The following CARD6 variants were observed in gnomAD, a reference collection of about 807,000 sequenced individuals.
The protein encoded by CARD6 is caspase recruitment domain family member 6, also known as caspase recruitment domain-containing protein 6.
In CARD6, 27 loss-of-function variants were observed where a neutral mutation model predicts 23.6. The observed-to-expected ratio is 1.14, with a 90% CI of 0.84 to 1.58. The LOEUF is 1.58. Among genes scored for constraint, CARD6 ranks in the 40% most tolerant of loss-of-function variants. The probability of loss-of-function intolerance (pLI) is 0.00; values close to 1 mark genes in which losing one functional copy is unlikely to be tolerated. For synonymous variants in CARD6, 397 were observed against 431.8 expected (o/e 0.92, Z 1.00); for missense variants, 1,214 against 1,209.9 (o/e 1.00, Z -0.05).
chr5:40,854,762 G>A lies in CARD6; in HGVS notation c.*316G>A, dbSNP rs1043761186. ...TGCACCACCACACCCAGCTAATTTTGTATTTTTAGTAGAGGCAGGGTTTCT... is the reference window on the plus strand; with the variant it reads ...TGCACCACCACACCCAGCTAATTTTATATTTTTAGTAGAGGCAGGGTTTCT... On this transcript the variant is annotated 3_prime_UTR_variant, in exon 3 of 3. Coordinates refer to ENST00000254691, the MANE Select transcript of CARD6 (RefSeq NM_032587.4). 11 of 249,462 alleles carry A rather than the reference G, an allele frequency of 4.4e-5. No homozygotes were observed. The highest frequency in any genetic ancestry group is 7.8e-5 in the Non-Finnish European group (10 of 127,722). The allele number at this position is 249,462 out of a possible 1,614,324, so 15.5% of individuals were successfully genotyped here.
chr5:40,843,759 T>TA (rs1745920023), intron 2 of CARD6, 50 bp downstream of exon 2: 1 of 1,287,012 alleles, frequency 7.8e-7, no homozygotes, highest in Admixed American at 2.7e-5. Flanking sequence ...AATAAGTTAA[T>TA]AAGCTTGCCA....
intron 2 of CARD6, among the ~76,000 whole-genome samples, chr5:40,848,999 G>T (rs1746012519): frequency 6.6e-6 from 1 of 151,816 alleles, no homozygotes; most frequent in Admixed American, 6.6e-5. Context: ...GGATCCTGTG[G>T]GTATTGATGT....
chr5:40,852,365 C>G lies in CARD6; in HGVS notation c.1033C>G (p.Leu345Val). 6.2e-7 allele frequency: 1 copy of G among 1,614,078 alleles called. No individual in the cohort carries two copies. The highest frequency in any genetic ancestry group is 1.1e-5 in the South Asian group (1 of 91,072). ...ARDVTARDSI[L>V]SHKVLDEDSK... Reference sequence around the variant, plus strand: ...AGATGTGACGGCTAGGGATTCAATCCTCAGTCACAAGGTTCTGGATGAAGA... The same window carrying G: ...AGATGTGACGGCTAGGGATTCAATCGTCAGTCACAAGGTTCTGGATGAAGA... The change falls in exon 3 of 3, where the codon CTC (leucine) becomes GTC (valine). Residue 345 changes from leucine to valine, a missense_variant. Physicochemically the swap from Leu to Val is conservative, Grantham distance 32. Coordinates refer to ENST00000254691, the MANE Select transcript of CARD6 (RefSeq NM_032587.4).
In CARD6 at chr5:40,852,381, T is replaced by C. The variant is rs1365942621; in HGVS notation, c.1049T>C (p.Leu350Pro). 11 of 1,614,110 alleles carry C rather than the reference T, an allele frequency of 6.8e-6. No homozygotes were observed. Among genetic ancestry groups the C allele is most frequent in the Non-Finnish European group, 9.3e-6 (11 of 1,180,008 alleles). Residue 350 changes from leucine (L) to proline (P), a missense_variant, in exon 3 of 3, where the codon CTG (leucine) becomes CCG (proline). Physicochemically the swap from Leu to Pro is moderately conservative, Grantham distance 98. Transcript: ENST00000254691. ...GATTCAATCCTCAGTCACAAGGTTC[T>C]GGATGAAGATAGCAAGGAGGATTTG... ...ARDSILSHKV[L>P]DEDSKEDLLA...
rs1746171068 is a variant in CARD6, at chr5:40,855,226, T to C, written c.*780T>C. 6.6e-6 allele frequency: 1 copy of C among 152,362 alleles called. No homozygotes were observed. Among genetic ancestry groups the C allele is most frequent in the Admixed American group, 6.5e-5 (1 of 15,278 alleles). 9.4% of individuals were successfully genotyped at this position (152,362 alleles called of 1,614,324 possible). ...CCACTGAGCAGATAACCCTGCTTAT[T>C]TGGTGTGGTTAAATCAACTAGCTTC... On this transcript the variant is annotated 3_prime_UTR_variant, in exon 3 of 3. Coordinates refer to ENST00000254691, the MANE Select transcript of CARD6 (RefSeq NM_032587.4).
chr5:40,855,330 A>G lies in CARD6; in HGVS notation c.*884A>G, dbSNP rs769649409. 1.3e-5 allele frequency: 2 copies of G among 152,368 alleles called. No individual in the cohort carries two copies. The highest frequency in any genetic ancestry group is 2.9e-5 in the Non-Finnish European group (2 of 68,032). The allele number at this position is 152,368 out of a possible 1,614,324, so 9.4% of individuals were successfully genotyped here. On this transcript the variant is annotated 3_prime_UTR_variant, in exon 3 of 3. Coordinates refer to ENST00000254691, the MANE Select transcript of CARD6 (RefSeq NM_032587.4). ...AGGTAGAAATAATGAATTAACAACC[A>G]ATAAAATTAATCATTTGGCATTAAC...
rs779404204 is a variant in CARD6 at position 40,854,155 on chromosome 5, G to T, written c.2823G>T (p.Gln941His). Residue 941 changes from glutamine (Q) to histidine (H), a missense_variant, in exon 3 of 3, where the codon CAG (glutamine) becomes CAT (histidine). Physicochemically the swap from Gln to His is conservative, Grantham distance 24 (BLOSUM62 0). Transcript: ENST00000254691. Reference sequence around the variant, plus strand: ...CCCATCCCATGTGCAAGAGCTCTCAGTTCAAATCCGATCAGTCCAACCCAT... The same window carrying T: ...CCCATCCCATGTGCAAGAGCTCTCATTTCAAATCCGATCAGTCCAACCCAT... ...IGSHPMCKSS[Q>H]FKSDQSNPST... 2 of 1,614,184 alleles carry T rather than the reference G, an allele frequency of 1.2e-6. No homozygotes were observed. The highest frequency in any genetic ancestry group is 3.3e-5 in the Admixed American group (2 of 60,020).
intron 2 of CARD6, among the ~76,000 whole-genome samples, chr5:40,849,728 C>A (rs1746024710): frequency 6.6e-6 from 1 of 152,142 alleles, no homozygotes; most frequent in African/African-American, 2.4e-5. Context: ...ACAATCCCAA[C>A]ACTTTGGGAG....
In CARD6 at chr5:40,852,628, AAC is replaced by A. The variant is rs774977188; in HGVS notation, c.1300_1301del (p.Gln434ValfsTer30). The A allele has an allele frequency of 6.2e-7, 1 of 1,614,208 alleles. No homozygotes were observed. Among genetic ancestry groups the A allele is most frequent in the South Asian group, 1.1e-5 (1 of 91,084 alleles). Reference sequence around the variant, plus strand: ...TGAAAGACATTGTGAAGAAGCAGTCAACACAGTTTTCAGGGGGGCCTACAGAG... The same window carrying A: ...TGAAAGACATTGTGAAGAAGCAGTCAACAGTTTTCAGGGGGGCCTACAGAG... ...AMKDIVKKQS[T>X]QFSGGPTEDT... On this transcript the variant is annotated frameshift_variant, in exon 3 of 3. Coordinates refer to ENST00000254691, the MANE Select transcript of CARD6 (RefSeq NM_032587.4). LOFTEE classifies it low-confidence loss of function (END_TRUNC).
At position 40,843,343 on chromosome 5, in the gene CARD6, G is replaced by A. The variant is rs1219414071; in HGVS notation, c.475G>A (p.Ala159Thr). Reference sequence around the variant, plus strand: ...CAAGAAAACTAGTTATAGGGAAACAGCTTTGTCTGCCAGGAAGAATGAGAA... The same window carrying A: ...CAAGAAAACTAGTTATAGGGAAACAACTTTGTCTGCCAGGAAGAATGAGAA... ...RDKKTSYRET[A>T]LSARKNEKEY... is the part of the protein sequence containing the mutation. Residue 159 changes from alanine (A) to threonine (T), a missense_variant, in exon 2 of 3, where the codon GCT becomes ACT. By Grantham distance (58) the Ala-to-Thr change is moderately conservative. Coordinates refer to ENST00000254691, the MANE Select transcript of CARD6 (RefSeq NM_032587.4). 4 of 1,614,152 alleles carry A rather than the reference G, an allele frequency of 2.5e-6. No homozygotes were observed. The African/African-American group carries it at 4.0e-5, about 16-fold the overall frequency.
chr5:40,850,575 A>C (rs1382511128), intron 2 of CARD6, among the ~76,000 whole-genome samples: 9 of 149,144 alleles, frequency 6.0e-5, no homozygotes, highest in Non-Finnish European at 1.5e-5. Flanking sequence ...AAAAAAAATT[A>C]GCTGGGTGTG....
chr5:40,842,798 G>A (rs1745885082), intron 1 of CARD6, among the ~76,000 whole-genome samples: 3 of 152,228 alleles, frequency 2.0e-5, no homozygotes, highest in Admixed American at 6.5e-5. Context: ...AGCACTTTGG[G>A]AGGCCGGGGC....
chr5:40,851,469 G>A (rs1465479277), intron 2 of CARD6, among the ~76,000 whole-genome samples: 1 of 151,760 alleles, frequency 6.6e-6, no homozygotes, highest in African/African-American at 2.4e-5. Context: ...AAGCTGACTT[G>A]CCAGAATGGT....
chr5:40,843,527 C>T lies in CARD6; in HGVS notation c.659C>T (p.Thr220Ile), dbSNP rs761319294. 1.2e-6 allele frequency: 2 copies of T among 1,608,266 alleles called. No homozygotes were observed. Among genetic ancestry groups the T allele is most frequent in the South Asian group, 2.2e-5 (2 of 89,820 alleles). ...GAGGAATATCTAGGATCTGTTGACA[C>T]CCCTGAAGATGCAGAAGCCACTGTG... ...GKEEYLGSVD[T>I]PEDAEATVEE... The change falls in exon 2 of 3, where the codon ACC becomes ATC. Residue 220 changes from threonine to isoleucine, a missense_variant. By Grantham distance (89) the Thr-to-Ile change is moderately conservative. Coordinates refer to ENST00000254691, the MANE Select transcript of CARD6 (RefSeq NM_032587.4).
intron 2 of CARD6, among the ~76,000 whole-genome samples, chr5:40,844,228 G>A (rs1745928858): frequency 6.6e-6 from 1 of 152,066 alleles, no homozygotes; most frequent in Non-Finnish European, 1.5e-5. Flanking sequence ...TCTTGAATCT[G>A]AATATTTCTT....
At position 40,852,979 on chromosome 5, in the gene CARD6, T is replaced by G; in HGVS notation, c.1647T>G (p.Val549=). The G allele has an allele frequency of 6.2e-7, 1 of 1,614,216 alleles. No individual in the cohort carries two copies. Among genetic ancestry groups the G allele is most frequent in the South Asian group, 1.1e-5 (1 of 91,090 alleles). Residue 549 remains valine (V), a synonymous_variant, in exon 3 of 3, where the codon GTT becomes GTG. Transcript: ENST00000254691. ...FWTQFGFLME[V]SSAVFFFTDC... ...CTCAGTTTGGTTTTTTGATGGAAGTTTCTTCAGCTGTGTTTTTTTTCACTG... is the reference window on the plus strand; with the variant it reads ...CTCAGTTTGGTTTTTTGATGGAAGTGTCTTCAGCTGTGTTTTTTTTCACTG...
chr5:40,852,109 A>G (rs1746075537), intron 2 of CARD6, 65 bp from the exon 3 acceptor site: 2 of 1,054,600 alleles, frequency 1.9e-6, no homozygotes, highest in African/African-American at 3.2e-5. Flanking sequence ...TGTCTCAAAA[A>G]AAGAAGTCGA....
At position 40,847,541 on chromosome 5, in the gene CARD6, T is replaced by G. The variant is rs114851093; in HGVS notation, c.841+3832T>G. 4.5e-3 allele frequency among the ~76,000 whole-genome samples: 685 copies of G among 152,356 alleles called. 5 individuals are homozygous for G. Among genetic ancestry groups the G allele is most frequent in the African/African-American group, 0.016 (656 of 41,590 alleles). The stretch of plus-strand genomic sequence containing the variant: ...ACAAGTCTGCTGGTGGTAAATTCTC[T>G]TAGTTTTTGTTTATTGAAAGATATT... On this transcript the variant is annotated intron_variant, in intron 2 of 2. Transcript: ENST00000254691.
Position 40,853,916 on chromosome 5 carries a change from G to A in CARD6, c.2584G>A (p.Ala862Thr), listed in dbSNP as rs747031320. The change falls in exon 3 of 3, where the codon GCA (alanine) becomes ACA (threonine). Residue 862 changes from alanine (A) to threonine (T), a missense_variant. Physicochemically the swap from Ala to Thr is moderately conservative, Grantham distance 58. Coordinates refer to ENST00000254691, the MANE Select transcript of CARD6 (RefSeq NM_032587.4). ...SYSLDSQPAR[A>T]VGKPWPQQAC... ...TTCCCTGGATTCACAGCCAGCAAGA[G>A]CAGTAGGGAAGCCATGGCCTCAGCA... The A allele has an allele frequency of 1.2e-6, 2 of 1,614,176 alleles. No individual in the cohort carries two copies. Among genetic ancestry groups the A allele is most frequent in the Admixed American group, 3.3e-5 (2 of 60,022 alleles).
Sources: gnomAD v4.1 joint callset for allele counts (sites outside exome capture counted in the v4.1 genomes callset) on GRCh38, gnomAD v4.1.1 for gene constraint, MANE v1.5 for transcripts, NCBI Gene and HGNC (gene_info 2026-07-23, HGNC 2026-07-21) for gene names.